The following CACNA2D3 variants were observed in gnomAD, a reference collection of about 807,000 sequenced individuals.
The protein encoded by CACNA2D3 is calcium voltage-gated channel auxiliary subunit alpha2delta 3, also known as voltage-dependent calcium channel subunit alpha-2/delta-3.
In CACNA2D3, 60 loss-of-function variants were observed where a neutral mutation model predicts 160.6. That is an observed-to-expected ratio of 0.37 (90% CI 0.30 to 0.46). The LOEUF is 0.46. Ranked by LOEUF, CACNA2D3 falls within the 20% of genes least tolerant of loss-of-function variation. The pLI is 1.00. For synonymous variants in CACNA2D3, 558 were observed against 492.9 expected, an observed-to-expected ratio of 1.13 and a Z score of -1.75; for missense variants, 1,205 against 1,365.0, an observed-to-expected ratio of 0.88 and a Z score of 1.85.
At chr3:54,890,589 T>G (rs993207955) in intron 24 of CACNA2D3, among the ~76,000 whole-genome samples, 5 of 152,132 alleles carry the variant, frequency 3.3e-5, no homozygotes, top group African/African-American at 7.2e-5. Context: ...AAATATACCT[T>G]GCAAATCTCC....
intron 2 of CACNA2D3, among the ~76,000 whole-genome samples, chr3:54,270,908 C>T (rs1375625181): frequency 1.3e-5 from 2 of 152,184 alleles, no homozygotes; most frequent in East Asian, 3.8e-4. Context: ...TCTCTGATTT[C>T]CCTTTTTGTC....
At chr3:54,255,355 C>T (rs1394843237) in intron 2 of CACNA2D3, among the ~76,000 whole-genome samples, 2 of 152,198 alleles carry the variant, frequency 1.3e-5, no homozygotes, top group East Asian at 1.9e-4. Context: ...TTCCTAGCAA[C>T]GTGGGACCAC....
intron 11 of CACNA2D3, among the ~76,000 whole-genome samples, chr3:54,702,507 A>T (rs1700786382): frequency 6.6e-6 from 1 of 152,226 alleles, no homozygotes; most frequent in African/African-American, 2.4e-5. Flanking sequence ...GCTCAACATC[A>T]CTAATGATTA....
chr3:54,830,828 C>T (rs1342086184), intron 14 of CACNA2D3, among the ~76,000 whole-genome samples: 4 of 151,962 alleles, frequency 2.6e-5, no homozygotes, highest in Admixed American at 6.6e-5. Context: ...GGCTTTTTGT[C>T]GTCCAGGACC....
intron 3 of CACNA2D3, among the ~76,000 whole-genome samples, chr3:54,361,685 C>T (rs1385953848): frequency 6.6e-6 from 1 of 152,182 alleles, no homozygotes; most frequent in Admixed American, 6.5e-5. Context: ...CATGAACTGA[C>T]AGGTTTGGTG....
intron 4 of CACNA2D3, among the ~76,000 whole-genome samples, chr3:54,495,507 G>T (rs1279816105): frequency 2.6e-5 from 4 of 152,130 alleles, no homozygotes; most frequent in Non-Finnish European, 5.9e-5. Context: ...CCAGCACTTT[G>T]GGAGGCTGAA....
chr3:54,306,474 C>T (rs1003845979), intron 2 of CACNA2D3, among the ~76,000 whole-genome samples: 1 of 152,200 alleles, frequency 6.6e-6, no homozygotes, highest in East Asian at 1.9e-4. Flanking sequence ...GACTACCAAC[C>T]TAAAATGTGT....
At chr3:54,596,722 T>C (rs1002525094) in intron 9 of CACNA2D3, among the ~76,000 whole-genome samples, 3 of 152,134 alleles carry the variant, frequency 2.0e-5, no homozygotes, top group Non-Finnish European at 4.4e-5. Context: ...TGTTCTTGAC[T>C]TCACCATGCA....
intron 35 of CACNA2D3, among the ~76,000 whole-genome samples, chr3:55,052,170 T>G (rs1704239417): frequency 6.6e-6 from 1 of 152,226 alleles, no homozygotes; most frequent in South Asian, 2.1e-4. Context: ...CTCATTTTCC[T>G]TATGGCTTCC....
intron 11 of CACNA2D3, among the ~76,000 whole-genome samples, chr3:54,733,568 A>C (rs1399661357): frequency 6.6e-6 from 1 of 152,232 alleles, no homozygotes; most frequent in Admixed American, 6.5e-5. Flanking sequence ...ATGAAGGTTA[A>C]CATTAGGCCT....
intron 4 of CACNA2D3, among the ~76,000 whole-genome samples, chr3:54,501,662 C>A (rs1034906563): frequency 6.6e-6 from 1 of 152,004 alleles, no homozygotes; most frequent in Non-Finnish European, 1.5e-5. Flanking sequence ...TCAAGCAATC[C>A]TCCTGCCTTG....
At chr3:54,973,011 A>T (rs906467549) in intron 29 of CACNA2D3, among the ~76,000 whole-genome samples, 1 of 152,160 alleles carries the variant, frequency 6.6e-6, no homozygotes, top group African/African-American at 2.4e-5. Context: ...AGATAAACTT[A>T]TATGATCATC....
chr3:55,059,984 G>T (rs2107219273), intron 35 of CACNA2D3, among the ~76,000 whole-genome samples: 1 of 152,146 alleles, frequency 6.6e-6, no homozygotes, highest in Admixed American at 6.5e-5. Flanking sequence ...GTTTATATGG[G>T]TACAGGATAG....
chr3:54,310,376 C>T (rs1333447267), intron 2 of CACNA2D3, among the ~76,000 whole-genome samples: 1 of 152,104 alleles, frequency 6.6e-6, no homozygotes, highest in Non-Finnish European at 1.5e-5. Flanking sequence ...GAATACTAAG[C>T]ACATTTATGT....
At position 54,736,018 on chromosome 3, in the gene CACNA2D3, C is replaced by CATATATATATATGTATATATATAT. The variant is rs1245051455; in HGVS notation, c.1168-16580_1168-16579insTATATATATATGTATATATATATA. On this transcript the variant is annotated intron_variant, in intron 11 of 37. Coordinates refer to ENST00000474759, the MANE Select transcript of CACNA2D3 (RefSeq NM_018398.3). The stretch of plus-strand genomic sequence containing the variant: ...ACATATATATATATGTATATATATA[C>CATATATATATATGTATATATATAT]ACATACATATATATATGTATATATA... 7.4e-5 allele frequency among the ~76,000 whole-genome samples: 6 copies of CATATATATATATGTATATATATAT among 80,936 alleles called. 1 individual carries two copies. The highest frequency in any genetic ancestry group is 1.3e-4 in the Admixed American group (1 of 7,916). 53.1% of individuals were successfully genotyped at this position (80,936 alleles called of 152,430 possible).
intron 35 of CACNA2D3, among the ~76,000 whole-genome samples, chr3:55,043,721 T>C (rs1704012345): frequency 6.6e-6 from 1 of 152,188 alleles, no homozygotes; most frequent in African/African-American, 2.4e-5. Flanking sequence ...TAACCCAAGG[T>C]CACAAAAGTT....
At chr3:54,672,651 A>T (rs1400137662) in intron 11 of CACNA2D3, among the ~76,000 whole-genome samples, 1 of 152,246 alleles carries the variant, frequency 6.6e-6, no homozygotes, top group Admixed American at 6.5e-5. Flanking sequence ...GACTGAGGAA[A>T]TGTCCTGGGA....
intron 4 of CACNA2D3, among the ~76,000 whole-genome samples, chr3:54,476,802 G>T (rs1216212872): frequency 1.3e-5 from 2 of 152,110 alleles, no homozygotes; most frequent in African/African-American, 4.8e-5. Context: ...TCTATCTTGG[G>T]TATTAACCCC....
At chr3:54,730,164 T>A (rs1701360023) in intron 11 of CACNA2D3, among the ~76,000 whole-genome samples, 1 of 152,194 alleles carries the variant, frequency 6.6e-6, no homozygotes, top group Admixed American at 6.5e-5. Flanking sequence ...TAGACCTGCA[T>A]CTTTGACACT....
Sources: gnomAD v4.1 joint callset for allele counts (sites outside exome capture counted in the v4.1 genomes callset) on GRCh38, gnomAD v4.1.1 for gene constraint, MANE v1.5 for transcripts, NCBI Gene and HGNC (gene_info 2026-07-23, HGNC 2026-07-21) for gene names.